The following DNAI4 variants were observed in gnomAD, a reference collection of about 807,000 sequenced individuals.
DNAI4 encodes the protein WD repeat domain 78.
DNAI4 carries 85 observed loss-of-function variants against 105.8 expected under a neutral mutation model. That is an observed-to-expected ratio of 0.80 (90% CI 0.67 to 0.96). The LOEUF (loss-of-function observed/expected upper bound fraction) is 0.96. Ranked by LOEUF, DNAI4 falls within the 40% of genes least tolerant of loss-of-function variation. DNAI4 has a pLI of 0.00. For synonymous variants in DNAI4, 352 were observed against 331.5 expected (o/e 1.06, Z -0.67); for missense variants, 1,014 against 1,005.6 (o/e 1.01, Z -0.11).
At chr1:66,876,324 C>A (rs2100686210) in intron 4 of DNAI4, among the ~76,000 whole-genome samples, 1 of 152,222 alleles carries the variant, frequency 6.6e-6, no homozygotes. Context: ...GCTCTTGATT[C>A]TCTGAGGTTT....
chr1:66,904,669 T>C (rs1404448697), intron 2 of DNAI4, among the ~76,000 whole-genome samples: 2 of 152,144 alleles, frequency 1.3e-5, no homozygotes, highest in Non-Finnish European at 2.9e-5. Context: ...GAGAAAAAGT[T>C]TTAATTTTGA....
At chr1:66,919,142 C>A in intron 1 of DNAI4, 1 of 440,310 alleles carries the variant, frequency 2.3e-6, no homozygotes, top group South Asian at 1.6e-5. Flanking sequence ...CAAAGACATG[C>A]CCTGACCACC....
intron 11 of DNAI4, 68 bp from the exon 12 acceptor site, chr1:66,834,216 A>G: frequency 7.9e-7 from 1 of 1,263,728 alleles, no homozygotes; most frequent in Non-Finnish European, 1.1e-6. Context: ...TTGGAGTATA[A>G]GTGATAAGGT....
At chr1:66,847,339 G>T in intron 8 of DNAI4, 145 bp downstream of exon 8, 1 of 657,740 alleles carries the variant, frequency 1.5e-6, no homozygotes, top group Non-Finnish European at 2.5e-6. Context: ...TGTCACCCAG[G>T]CTGGAGTGCA....
chr1:66,902,203 C>T (rs530028431), intron 2 of DNAI4, among the ~76,000 whole-genome samples: 1 of 152,290 alleles, frequency 6.6e-6, no homozygotes, highest in African/African-American at 2.4e-5. Context: ...GTTTCAATTC[C>T]TCCATGTCTT....
chr1:66,818,608 T>C (rs1645564355), intron 16 of DNAI4, among the ~76,000 whole-genome samples: 1 of 152,158 alleles, frequency 6.6e-6, no homozygotes, highest in South Asian at 2.1e-4. Context: ...AAGGCTACTG[T>C]AGAGAACATT....
At chr1:66,858,718 C>A (rs1358901027) in intron 7 of DNAI4, among the ~76,000 whole-genome samples, 2 of 151,868 alleles carry the variant, frequency 1.3e-5, no homozygotes, top group Non-Finnish European at 2.9e-5. Context: ...AAAAATACAT[C>A]AATAGACACA....
Position 66,874,870 on chromosome 1 carries a change from C to A in DNAI4, c.711G>T (p.Glu237Asp), listed in dbSNP as rs1326941157. 6.2e-7 allele frequency: 1 copy of A among 1,613,542 alleles called. No individual in the cohort carries two copies. The highest frequency in any genetic ancestry group is 8.5e-7 in the Non-Finnish European group (1 of 1,179,664). Residue 237 changes from glutamate (E) to aspartate (D), a missense_variant, in exon 5 of 17, where the codon GAG (glutamate) becomes GAT (aspartate). By Grantham distance (45) the Glu-to-Asp change is conservative. Transcript: ENST00000371026. ...VTKEDLEKNIEIILTETETLR... is the reference protein window; with the variant it reads ...VTKEDLEKNIDIILTETETLR... ...GTGTTTCTGTCTCTGTGAGTATTAT[C>A]TCTATATTCTTCTCCAGGTCTTCTT...
intron 7 of DNAI4, among the ~76,000 whole-genome samples, chr1:66,853,981 C>A (rs143544136): frequency 6.7e-4 from 102 of 152,240 alleles, no homozygotes; most frequent in African/African-American, 2.3e-3. Flanking sequence ...CCAAGGAACA[C>A]AAAAATACTC....
chr1:66,884,207 A>C (rs537041570), intron 4 of DNAI4, among the ~76,000 whole-genome samples: 1 of 152,338 alleles, frequency 6.6e-6, no homozygotes, highest in Non-Finnish European at 1.5e-5. Flanking sequence ...TGTATATACC[A>C]CATTTTCTTT....
chr1:66,863,063 T>C (rs1229560531), intron 6 of DNAI4, among the ~76,000 whole-genome samples: 2 of 152,216 alleles, frequency 1.3e-5, no homozygotes, highest in African/African-American at 4.8e-5. Context: ...TATTATCGTC[T>C]CTTTTAAAAT....
intron 7 of DNAI4, among the ~76,000 whole-genome samples, chr1:66,856,158 G>C (rs2100573389): frequency 6.7e-6 from 1 of 149,880 alleles, no homozygotes; most frequent in African/African-American, 2.4e-5. Context: ...AATATCACCA[G>C]CAATCAACTG....
chr1:66,859,989 A>G (rs1646590365), intron 7 of DNAI4, among the ~76,000 whole-genome samples: 1 of 152,154 alleles, frequency 6.6e-6, no homozygotes, highest in African/African-American at 2.4e-5. Context: ...ATAATAATGT[A>G]TCAACATTGG....
intron 7 of DNAI4, among the ~76,000 whole-genome samples, chr1:66,851,332 G>T (rs1007815294): frequency 6.6e-6 from 1 of 151,756 alleles, no homozygotes; most frequent in African/African-American, 2.4e-5. Flanking sequence ...TATAAAATAT[G>T]TAAAGTAAAA....
chr1:66,835,624 A>G lies in DNAI4; in HGVS notation c.1733+2T>C, dbSNP rs1645968355. 1 of 1,613,588 alleles carries G rather than the reference A, an allele frequency of 6.2e-7. No individual in the cohort carries two copies. The highest frequency in any genetic ancestry group is 8.5e-7 in the Non-Finnish European group (1 of 1,179,752). ...ACATTTATCTAATTCTCGGATTCTT[A>G]CCTACTATCCAGAACTGGAACATTA... On this transcript the variant is annotated splice_donor_variant, in intron 11 of 16. Transcript: ENST00000371026. LOFTEE classifies it high-confidence loss of function.
At chr1:66,820,939 G>C (rs1645611609) in intron 16 of DNAI4, among the ~76,000 whole-genome samples, 1 of 151,878 alleles carries the variant, frequency 6.6e-6, no homozygotes, top group South Asian at 2.1e-4. Context: ...GGATATTTAT[G>C]TTGTTCTGTT....
chr1:66,906,248 T>C (rs550260133), intron 1 of DNAI4, among the ~76,000 whole-genome samples: 19 of 152,174 alleles, frequency 1.2e-4, no homozygotes, highest in African/African-American at 4.6e-4. Flanking sequence ...ACAATCAAAA[T>C]ATTTATATCC....
At chr1:66,912,816 A>T (rs909110458) in intron 1 of DNAI4, among the ~76,000 whole-genome samples, 3 of 152,166 alleles carry the variant, frequency 2.0e-5, no homozygotes, top group African/African-American at 7.2e-5. Flanking sequence ...CTGACCTTTG[A>T]CAAATTTCCT....
chr1:66,829,186 C>A (rs756836060), intron 13 of DNAI4, among the ~76,000 whole-genome samples: 3 of 152,130 alleles, frequency 2.0e-5, no homozygotes, highest in Non-Finnish European at 2.9e-5. Flanking sequence ...TATATGCCCC[C>A]TTCAAGCAAG....
Sources: gnomAD v4.1 joint callset for allele counts (sites outside exome capture counted in the v4.1 genomes callset) on GRCh38, gnomAD v4.1.1 for gene constraint, MANE v1.5 for transcripts, NCBI Gene and HGNC (gene_info 2026-07-23, HGNC 2026-07-21) for gene names.